Variants in TNPO2 observed in about 807,000 individuals in gnomAD.
The protein encoded by TNPO2 is transportin 2.
In TNPO2, 16 loss-of-function variants were observed where a neutral mutation model predicts 111.1. The ratio of observed to expected loss-of-function variants is 0.14; its 90% CI spans 0.10 to 0.22. TNPO2 has a LOEUF of 0.22. Among genes scored for constraint, TNPO2 ranks in the 10% least tolerant of loss-of-function variants. The probability of loss-of-function intolerance (pLI) is 1.00; values close to 1 mark genes in which losing one functional copy is unlikely to be tolerated. For missense variants in TNPO2, 530 were observed against 1,173.7 expected (o/e 0.45, Z 8.01); for synonymous variants, 481 against 475.8 (o/e 1.01, Z -0.14).
intron 12 of TNPO2, 77 bp downstream of exon 12, chr19:12,711,219 C>A (rs989523694): frequency 2.2e-5 from 34 of 1,551,194 alleles, no homozygotes; most frequent in Non-Finnish European, 2.9e-5. Context: ...TCAGCTTCTG[C>A]CTCAGCTTCT....
At chr19:12,710,207 C>A (rs1303014738) in intron 13 of TNPO2, among the ~76,000 whole-genome samples, 1 of 152,098 alleles carries the variant, frequency 6.6e-6, no homozygotes, top group Non-Finnish European at 1.5e-5. Flanking sequence ...CCAGACACAC[C>A]CTGAGTGACT....
chr19:12,701,988 G>A lies in TNPO2; in HGVS notation c.2411+84C>T. On this transcript the variant is annotated intron_variant, in intron 22 of 25. Coordinates refer to ENST00000425528, the MANE Select transcript of TNPO2 (RefSeq NM_001382241.1). This position sits in a 1 kb window ranked among gnomAD's most constrained non-coding sequence, Gnocchi z 5.0. ...GGGCAGGGCAGGGAGTCAGTAGGCA[G>A]ATGGGGCTGGAAATGCACAGGCGAG... 2 of 1,460,624 alleles carry A rather than the reference G, an allele frequency of 1.4e-6. No individual in the cohort carries two copies. Among genetic ancestry groups the A allele is most frequent in the Non-Finnish European group, 9.6e-7 (1 of 1,042,272 alleles). 90.5% of individuals were successfully genotyped at this position (1,460,624 alleles called of 1,614,324 possible). A position where few individuals can be genotyped will look rare whatever the true frequency, so the allele number is the denominator to read the frequency against.
In TNPO2 at chr19:12,715,025, G is replaced by A. The variant is rs749405480; in HGVS notation, c.771+22C>T. On this transcript the variant is annotated intron_variant, in intron 9 of 25. Coordinates refer to ENST00000425528, the MANE Select transcript of TNPO2 (RefSeq NM_001382241.1). The surrounding 1 kb of genome is among the most constrained non-coding windows in gnomAD (Gnocchi z 7.1). ...CACCGGCCCCCTGCCTGCCCGCCTG[G>A]GCTGGCCTTGACCATGCACACCTGG... 4 of 1,572,834 alleles carry A rather than the reference G, an allele frequency of 2.5e-6. No individual in the cohort carries two copies. Among genetic ancestry groups the A allele is most frequent in the Non-Finnish European group, 3.4e-6 (4 of 1,160,592 alleles).
chr19:12,723,108 C>G (rs998093133), intron 2 of TNPO2, 141 bp downstream of exon 2: 3 of 152,158 alleles, frequency 2.0e-5, no homozygotes, highest in African/African-American at 7.2e-5. Context: ...ACAGAAGCCT[C>G]TGCCACTTTT....
rs2025424534 is a variant in TNPO2 at position 12,703,159 on chromosome 19, G to A, written c.2210-241C>T. ...GGAGTCGCTAAGGTGACAACACGCT[G>A]CCCAAGTCAAAGGAAAAAAAAAGCC... On this transcript the variant is annotated intron_variant, in intron 20 of 25. Transcript: ENST00000425528. 7 of 585,108 alleles carry A rather than the reference G, an allele frequency of 1.2e-5. No homozygotes were observed. The Admixed American group carries it at 2.1e-4, about 18-fold the overall frequency. The allele number at this position is 585,108 out of a possible 1,614,324, so 36.2% of individuals were successfully genotyped here. A position where few individuals can be genotyped will look rare whatever the true frequency, so the allele number is the denominator to read the frequency against.
rs368295461 is a variant in TNPO2 at position 12,715,357 on chromosome 19, C to T, written c.567-33G>A. On this transcript the variant is annotated intron_variant, in intron 7 of 25. Coordinates refer to ENST00000425528, the MANE Select transcript of TNPO2 (RefSeq NM_001382241.1). The surrounding 1 kb of genome is among the most constrained non-coding windows in gnomAD (Gnocchi z 7.1). ...GGAGCAGACACGTGGGTCACCCTGA[C>T]CCTGCCCACTCCAGGCTCCCTGGAA... The T allele has an allele frequency of 6.2e-7, 1 of 1,613,792 alleles. No homozygotes were observed. The highest frequency in any genetic ancestry group is 8.5e-7 in the Non-Finnish European group (1 of 1,179,876).
At position 12,711,287 on chromosome 19, in the gene TNPO2, G is replaced by A; in HGVS notation, c.1117+9C>T. Reference sequence around the variant, plus strand: ...CACCCCACCACCACCCCCAGGCAGGGGCACACACTCAAATTCCAGTCGGAC... The same window carrying A: ...CACCCCACCACCACCCCCAGGCAGGAGCACACACTCAAATTCCAGTCGGAC... On this transcript the variant is annotated intron_variant, in intron 12 of 25. Coordinates refer to ENST00000425528, the MANE Select transcript of TNPO2 (RefSeq NM_001382241.1). 7 of 1,611,290 alleles carry A rather than the reference G, an allele frequency of 4.3e-6. No individual in the cohort carries two copies. Among genetic ancestry groups the A allele is most frequent in the Non-Finnish European group, 5.9e-6 (7 of 1,178,220 alleles).
rs2025231380 is a variant in TNPO2, at chr19:12,700,601, C to T, written c.*663G>A. The T allele has an allele frequency of 6.6e-6, 1 of 152,116 alleles. No homozygotes were observed. 9.4% of individuals were successfully genotyped at this position (152,116 alleles called of 1,614,324 possible). On this transcript the variant is annotated 3_prime_UTR_variant, in exon 26 of 26. Coordinates refer to ENST00000425528, the MANE Select transcript of TNPO2 (RefSeq NM_001382241.1). ...CATGTGCGTGCTGACAGGGCGACTCCCAAGGTCACCATCCTCCTCCCCCCG... is the reference window on the plus strand; with the variant it reads ...CATGTGCGTGCTGACAGGGCGACTCTCAAGGTCACCATCCTCCTCCCCCCG...
intron 5 of TNPO2, among the ~76,000 whole-genome samples, chr19:12,716,763 G>A (rs534229461): frequency 5.3e-5 from 8 of 152,246 alleles, no homozygotes; most frequent in Non-Finnish European, 8.8e-5. Context: ...AGCAGGCCTC[G>A]TTGAGGTGAC....
chr19:12,715,128 C>A lies in TNPO2; in HGVS notation c.690G>T (p.Arg230=). 1.3e-6 allele frequency: 2 copies of A among 1,598,746 alleles called. No homozygotes were observed. Among genetic ancestry groups the A allele is most frequent in the Non-Finnish European group, 1.7e-6 (2 of 1,171,058 alleles). Residue 230 remains arginine (R), a synonymous_variant, in exon 9 of 26, where the codon CGG becomes CGT. Coordinates refer to ENST00000425528, the MANE Select transcript of TNPO2 (RefSeq NM_001382241.1). The surrounding 1 kb of genome is among the most constrained non-coding windows in gnomAD (Gnocchi z 7.1). ...ALAVDDDPEV[R]KNVCRALVML... ...TCACCAGGGCACGGCACACATTCTT[C>A]CGCACCTCGGGGTCATCATCCACAG... is the stretch of plus-strand genomic sequence containing the variant.
Position 12,711,619 on chromosome 19 carries a change from C to A in TNPO2, c.891-6G>T, listed in dbSNP as rs773242953. On this transcript the variant is annotated splice_region_variant and splice_polypyrimidine_tract_variant and intron_variant, in intron 10 of 25. Coordinates refer to ENST00000425528, the MANE Select transcript of TNPO2 (RefSeq NM_001382241.1). Reference sequence around the variant, plus strand: ...TCACCAAGATGGGGATCAACCTGCACAGAGAGGGACTGTTTATGGGGATGC... The same window carrying A: ...TCACCAAGATGGGGATCAACCTGCAAAGAGAGGGACTGTTTATGGGGATGC... 1.9e-6 allele frequency: 3 copies of A among 1,612,900 alleles called. 1 individual carries two copies. In the South Asian group the frequency reaches 3.3e-5, roughly 18 times the overall value.
In TNPO2 at chr19:12,723,264, G is replaced by A. The variant is rs1967124974; in HGVS notation, c.-29C>T. 6.6e-6 allele frequency: 1 copy of A among 152,214 alleles called. No individual in the cohort carries two copies. Among genetic ancestry groups the A allele is most frequent in the South Asian group, 2.1e-4 (1 of 4,834 alleles). 9.4% of individuals were successfully genotyped at this position (152,214 alleles called of 1,614,324 possible). ...CTTTCCCTACCTGAAGTTGAATGAG[G>A]TGGAACAGCGCAGGAAATTCTGGCA... On this transcript the variant is annotated 5_prime_UTR_variant, in exon 2 of 26. Transcript: ENST00000425528.
At chr19:12,712,751 G>A (rs968853541) in intron 10 of TNPO2, among the ~76,000 whole-genome samples, 2 of 152,198 alleles carry the variant, frequency 1.3e-5, no homozygotes. Context: ...TAACAGCGCA[G>A]CCAGACATTT....
intron 13 of TNPO2, 94 bp downstream of exon 13, chr19:12,710,527 C>T: frequency 6.9e-7 from 1 of 1,447,760 alleles, no homozygotes; most frequent in South Asian, 1.3e-5. Context: ...GTGAGTAGGC[C>T]TCCAGGGAGA....
rs2026332375 is a variant in TNPO2 at position 12,715,838 on chromosome 19, T to C, written c.326-99A>G. Reference sequence around the variant, plus strand: ...CCCCCAGTGCTGCCTTTCTGTTCCCTAGCCCATGTACGCCCTCTACATCCC... The same window carrying C: ...CCCCCAGTGCTGCCTTTCTGTTCCCCAGCCCATGTACGCCCTCTACATCCC... On this transcript the variant is annotated intron_variant, in intron 5 of 25. Transcript: ENST00000425528. This position sits in a 1 kb window ranked among gnomAD's most constrained non-coding sequence, Gnocchi z 7.1. The C allele has an allele frequency of 1.1e-5, 10 of 920,144 alleles. 1 individual carries two copies. In the South Asian group the frequency reaches 1.4e-4, roughly 13 times the overall value. 57.0% of individuals were successfully genotyped at this position (920,144 alleles called of 1,614,324 possible). A position where few individuals can be genotyped will look rare whatever the true frequency, so the allele number is the denominator to read the frequency against.
At chr19:12,704,834 C>T (rs1021463209) in intron 18 of TNPO2, among the ~76,000 whole-genome samples, 1 of 152,000 alleles carries the variant, frequency 6.6e-6, no homozygotes, top group Admixed American at 6.6e-5. Context: ...AGGCGCCTAC[C>T]ACCATGCCTG....
At position 12,699,924 on chromosome 19, in the gene TNPO2, GA is replaced by G. The variant is rs2025197120; in HGVS notation, c.*1339del. On this transcript the variant is annotated 3_prime_UTR_variant, in exon 26 of 26. Transcript: ENST00000425528. The stretch of plus-strand genomic sequence containing the variant: ...CCCAAAGAAGTAGAAAGCAGGGAAG[GA>G]AAAAAAGGGAAAAAATGCTAAGGGG... 4 of 152,244 alleles carry G rather than the reference GA, an allele frequency of 2.6e-5. No homozygotes were observed. Among genetic ancestry groups the G allele is most frequent in the South Asian group, 4.2e-4 (2 of 4,802 alleles). 9.4% of individuals were successfully genotyped at this position (152,244 alleles called of 1,614,324 possible).
In TNPO2 at chr19:12,723,825, C is replaced by A. The variant is rs941266083; in HGVS notation, c.-187G>T. ...TCATTCATGAAAATCAAGTCCCGGG[C>A]CTCCAAGGTTAGGGAAGTGTCGGCA... On this transcript the variant is annotated 5_prime_UTR_variant, in exon 1 of 26. Transcript: ENST00000425528. 3.3e-5 allele frequency: 5 copies of A among 152,208 alleles called. No individual in the cohort carries two copies. Among genetic ancestry groups the A allele is most frequent in the Non-Finnish European group, 5.9e-5 (4 of 68,044 alleles). 9.4% of individuals were successfully genotyped at this position (152,208 alleles called of 1,614,324 possible).
rs1332110769 is a variant in TNPO2, at chr19:12,706,137, G to C, written c.1668+59C>G. The C allele has an allele frequency of 6.3e-7, 1 of 1,577,562 alleles. No homozygotes were observed. Among genetic ancestry groups the C allele is most frequent in the African/African-American group, 1.3e-5 (1 of 74,626 alleles). ...GGCGTGCAACACGGGGTTGCCACCA[G>C]GTCACTGGATGCCCAGGGGCACGGG... On this transcript the variant is annotated intron_variant, in intron 15 of 25. Coordinates refer to ENST00000425528, the MANE Select transcript of TNPO2 (RefSeq NM_001382241.1). The surrounding 1 kb of genome is among the most constrained non-coding windows in gnomAD (Gnocchi z 7.0).
Sources: gnomAD v4.1 joint callset for allele counts (sites outside exome capture counted in the v4.1 genomes callset) on GRCh38, gnomAD v4.1.1 for gene constraint, Gnocchi (gnomAD v3.1) non-coding constraint, MANE v1.5 for transcripts, NCBI Gene and HGNC (gene_info 2026-07-23, HGNC 2026-07-21) for gene names.